Variants in OTUD7A observed in about 807,000 individuals in gnomAD.
OTUD7A encodes the protein OTU domain-containing protein 7A.
A neutral mutation model predicts 65.7 loss-of-function variants in OTUD7A; 12 were observed. That is an observed-to-expected ratio of 0.18 (90% CI 0.12 to 0.30). OTUD7A has a LOEUF of 0.30. Among genes scored for constraint, OTUD7A ranks in the 10% least tolerant of loss-of-function variants. The pLI is 1.00. For missense variants in OTUD7A, 1,148 were observed against 1,304.8 expected (o/e 0.88, Z 1.85); for synonymous variants, 641 against 586.3 (o/e 1.09, Z -1.35).
intron 3 of OTUD7A, among the ~76,000 whole-genome samples, chr15:31,593,013 A>G (rs1332885883): frequency 6.8e-6 from 1 of 148,062 alleles, no homozygotes; most frequent in Non-Finnish European, 1.5e-5. Flanking sequence ...GATAAAAAGT[A>G]TAGCATAGTA....
chr15:31,831,098 G>A (rs1896918730), intron 1 of OTUD7A, among the ~76,000 whole-genome samples: 1 of 151,964 alleles, frequency 6.6e-6, no homozygotes, highest in South Asian at 2.1e-4. Flanking sequence ...GAAAAATTTG[G>A]GTATCCACAT....
At position 31,559,130 on chromosome 15, in the gene OTUD7A, C is replaced by T. The variant is rs779796681; in HGVS notation, c.389G>A (p.Arg130Gln). ...GTTGCATTCACTTGCCACGTGGGACCGGGCCAGGGAGACGATGGCTGAGCT... is the reference window on the plus strand; with the variant it reads ...GTTGCATTCACTTGCCACGTGGGACTGGGCCAGGGAGACGATGGCTGAGCT... ...HASSAIVSLARSHVASECNNE... is the reference protein window; with the variant it reads ...HASSAIVSLAQSHVASECNNE... Residue 130 changes from arginine (R) to glutamine (Q), a missense_variant, in exon 5 of 13, where the codon CGG (arginine) becomes CAG (glutamine). Arg to Gln is a conservative substitution (Grantham distance 43). Transcript: ENST00000307050. 6 of 1,614,184 alleles carry T rather than the reference C, an allele frequency of 3.7e-6. No homozygotes were observed. Among genetic ancestry groups the T allele is most frequent in the Admixed American group, 1.7e-5 (1 of 60,026 alleles).
intron 1 of OTUD7A, among the ~76,000 whole-genome samples, chr15:31,719,800 G>A (rs1224381138): frequency 1.3e-5 from 2 of 152,102 alleles, no homozygotes; most frequent in Non-Finnish European, 2.9e-5. Context: ...GTGATACCCT[G>A]TTCCTCTCTG....
At chr15:31,768,927 C>A (rs1277061483) in intron 1 of OTUD7A, among the ~76,000 whole-genome samples, 1 of 151,934 alleles carries the variant, frequency 6.6e-6, no homozygotes, top group Non-Finnish European at 1.5e-5. Context: ...ATTCAAGCAT[C>A]CCAAAGATAG....
At chr15:31,603,626 G>A (rs1489013030) in intron 3 of OTUD7A, among the ~76,000 whole-genome samples, 1 of 152,168 alleles carries the variant, frequency 6.6e-6, no homozygotes, top group African/African-American at 2.4e-5. Context: ...CTTCTGCACA[G>A]CAAAAGAAAC....
intron 3 of OTUD7A, among the ~76,000 whole-genome samples, chr15:31,610,617 ATTTTTT>A (rs58099939): frequency 6.5e-5 from 2 of 30,560 alleles, no homozygotes; most frequent in African/African-American, 1.7e-4. Flanking sequence ...ATATATATAT[ATTTTTT>A]TTTTTTTTTT....
chr15:31,808,141 A>ACAC (rs1567034348), intron 1 of OTUD7A, among the ~76,000 whole-genome samples: 4 of 49,564 alleles, frequency 8.1e-5, no homozygotes, highest in Non-Finnish European at 1.8e-4. Flanking sequence ...ACACACAAAC[A>ACAC]AATCCTCACC....
chr15:31,634,560 C>T (rs999839131), intron 3 of OTUD7A, among the ~76,000 whole-genome samples: 2 of 152,252 alleles, frequency 1.3e-5, no homozygotes, highest in African/African-American at 2.4e-5. Context: ...CCTTCCTTCA[C>T]GGAGCTCTGT....
intron 3 of OTUD7A, among the ~76,000 whole-genome samples, chr15:31,619,567 C>CTGTT (rs71110898): frequency 0.81 from 121,504 of 149,310 alleles, 50,144 homozygotes; most frequent in African/African-American, 0.95. Flanking sequence ...ATTTGGCTCT[C>CTGTT]TGTCTGTTAT....
chr15:31,591,489 C>T (rs187536282), intron 3 of OTUD7A, among the ~76,000 whole-genome samples: 20 of 152,256 alleles, frequency 1.3e-4, no homozygotes, highest in Non-Finnish European at 2.5e-4. Flanking sequence ...CACGGAAGGG[C>T]TGAGTAGAAC....
chr15:31,507,875 C>G (rs1007972574), intron 8 of OTUD7A, among the ~76,000 whole-genome samples: 6 of 152,150 alleles, frequency 3.9e-5, no homozygotes, highest in African/African-American at 1.4e-4. Context: ...CCACTCAACC[C>G]AGGAAGTCCA....
chr15:31,692,348 C>T (rs566763338), intron 1 of OTUD7A, among the ~76,000 whole-genome samples: 14 of 102,954 alleles, frequency 1.4e-4, no homozygotes, highest in African/African-American at 3.5e-4. Context: ...ATACACAGAA[C>T]GGAATATTAC....
chr15:31,762,554 A>C (rs1358051555), intron 1 of OTUD7A, among the ~76,000 whole-genome samples: 1 of 152,228 alleles, frequency 6.6e-6, no homozygotes, highest in East Asian at 1.9e-4. Flanking sequence ...ATCTAACCCT[A>C]AACAGTACAC....
At chr15:31,808,307 T>C (rs529618376) in intron 1 of OTUD7A, among the ~76,000 whole-genome samples, 1 of 152,280 alleles carries the variant, frequency 6.6e-6, no homozygotes, top group East Asian at 1.9e-4. Context: ...AGCCCCTGTA[T>C]GGAGCGCTGG....
At chr15:31,657,434 G>A (rs574532733) in intron 1 of OTUD7A, among the ~76,000 whole-genome samples, 10 of 151,662 alleles carry the variant, frequency 6.6e-5, no homozygotes, top group Admixed American at 1.3e-4. Context: ...TCGGCTCACT[G>A]GAAGCTCCGC....
rs1419896603 is a variant in OTUD7A at position 31,483,840 on chromosome 15, C to A, written c.2256G>T (p.Pro752=). 1.6e-5 allele frequency: 16 copies of A among 984,288 alleles called. No individual in the cohort carries two copies. The South Asian group carries it at 1.8e-4, about 11-fold the overall frequency. The allele number at this position is 984,288 out of a possible 1,614,324, so 61.0% of individuals were successfully genotyped here. ...ARAAAGGTAS[P]GGGARRASAS... is the part of the protein sequence containing the mutation. ...CGCTCGCACGCCGCGCGCCTCCCCC[C>A]GGGGAGGCCGTGCCGCCCGCCGCCG... Residue 752 remains proline, a synonymous_variant, in exon 13 of 13, where the codon CCG becomes CCT. Coordinates refer to ENST00000307050, the MANE Select transcript of OTUD7A (RefSeq NM_001382637.1).
chr15:31,701,607 T>A (rs1239125952), intron 1 of OTUD7A, among the ~76,000 whole-genome samples: 1 of 150,908 alleles, frequency 6.6e-6, no homozygotes, highest in East Asian at 2.0e-4. Context: ...TAATCTAATA[T>A]GAAACCGGTC....
chr15:31,836,824 T>C (rs1897065692), intron 1 of OTUD7A, among the ~76,000 whole-genome samples: 1 of 152,208 alleles, frequency 6.6e-6, no homozygotes, highest in Admixed American at 6.5e-5. Context: ...CTCAGCAAAC[T>C]AGAAAAGAAC....
At chr15:31,603,129 A>G (rs1890131587) in intron 3 of OTUD7A, among the ~76,000 whole-genome samples, 1 of 152,198 alleles carries the variant, frequency 6.6e-6, no homozygotes, top group East Asian at 1.9e-4. Context: ...GAGCCCACAT[A>G]GCCAAGACAA....
Sources: allele counts gnomAD v4.1 joint callset (sites outside exome capture counted in the v4.1 genomes callset), GRCh38; gene constraint gnomAD v4.1.1; transcripts MANE v1.5; gene names NCBI Gene and HGNC (gene_info 2026-07-23, HGNC 2026-07-21).